Variants in SPPL2B observed in about 807,000 individuals in gnomAD.
The protein encoded by SPPL2B is signal peptide peptidase-like 2B.
SPPL2B carries 39 observed loss-of-function variants against 59.7 expected under a neutral mutation model. The observed-to-expected ratio is 0.65, with a 90% CI of 0.51 to 0.85. The LOEUF (loss-of-function observed/expected upper bound fraction) is 0.85. Ranked by LOEUF, SPPL2B falls within the 40% of genes least tolerant of loss-of-function variation. The pLI is 0.00. For missense variants in SPPL2B, 865 were observed against 849.0 expected, an observed-to-expected ratio of 1.02 and a Z score of -0.23; for synonymous variants, 419 against 370.8, an observed-to-expected ratio of 1.13 and a Z score of -1.49.
chr19:2,337,644 C>T lies in SPPL2B; in HGVS notation c.369+19C>T. ...GAGGCTGGTACGGCCCTGTGCGTCC[C>T]CCGCTGGGCCAGCTCTCAGGGGCAG... On this transcript the variant is annotated intron_variant, in intron 3 of 14. Coordinates refer to ENST00000613503, the MANE Select transcript of SPPL2B (RefSeq NM_152988.3). 6.5e-7 allele frequency: 1 copy of T among 1,527,614 alleles called. No individual in the cohort carries two copies. The highest frequency in any genetic ancestry group is 8.8e-7 in the Non-Finnish European group (1 of 1,137,240). 94.6% of individuals were successfully genotyped at this position (1,527,614 alleles called of 1,614,324 possible).
At chr19:2,335,786 G>A (rs1968565406) in intron 2 of SPPL2B, among the ~76,000 whole-genome samples, 1 of 151,794 alleles carries the variant, frequency 6.6e-6, no homozygotes, top group East Asian at 1.9e-4. Flanking sequence ...ACTGTGTCCC[G>A]CCCCCTCCTG....
intron 13 of SPPL2B, among the ~76,000 whole-genome samples, chr19:2,349,893 C>CG (rs1969797000): frequency 2.1e-5 from 3 of 143,366 alleles, no homozygotes; most frequent in South Asian, 2.3e-4. Context: ...CACACTCGCG[C>CG]CCTCATTCGC....
In SPPL2B at chr19:2,344,436, G is replaced by T; in HGVS notation, c.1176+12G>T. On this transcript the variant is annotated intron_variant, in intron 11 of 14. Transcript: ENST00000613503. ...CCACCCGTGAGAAGGTGTGTCTTCT[G>T]ACTGCAGGGTCTCAGGTTGCCATGG... 1 of 1,570,176 alleles carries T rather than the reference G, an allele frequency of 6.4e-7. No homozygotes were observed. Among genetic ancestry groups the T allele is most frequent in the South Asian group, 1.2e-5 (1 of 85,712 alleles).
Position 2,350,329 on chromosome 19 carries a change from C to G in SPPL2B, c.1355-1105C>G, listed in dbSNP as rs887051874. 2.2e-3 allele frequency among the ~76,000 whole-genome samples: 324 copies of G among 145,538 alleles called. 8 individuals carry two copies. Among genetic ancestry groups the G allele is most frequent in the Admixed American group, 0.021 (310 of 14,432 alleles). On this transcript the variant is annotated intron_variant, in intron 13 of 14. Transcript: ENST00000613503. ...TTCGCTTGACTCCGTTCTCTCTCCACACACACACTCACGTGCTCTCATTCG... is the reference window on the plus strand; with the variant it reads ...TTCGCTTGACTCCGTTCTCTCTCCAGACACACACTCACGTGCTCTCATTCG...
rs1057025812 is a variant in SPPL2B, at chr19:2,339,055, G to A, written c.460-14G>A. On this transcript the variant is annotated splice_polypyrimidine_tract_variant and intron_variant, in intron 4 of 14. Coordinates refer to ENST00000613503, the MANE Select transcript of SPPL2B (RefSeq NM_152988.3). The stretch of plus-strand genomic sequence containing the variant: ...TGGCTCTGACGCCTGCCTCCGGTGT[G>A]TTCCTTGAGGCAGCGTTTCGGCCGC... 1 of 1,550,334 alleles carries A rather than the reference G, an allele frequency of 6.5e-7. No individual in the cohort carries two copies. The highest frequency in any genetic ancestry group is 8.7e-7 in the Non-Finnish European group (1 of 1,146,508).
rs752889115 is a variant in SPPL2B, at chr19:2,354,311, C to G, written c.*1102C>G. On this transcript the variant is annotated 3_prime_UTR_variant, in exon 15 of 15. Coordinates refer to ENST00000613503, the MANE Select transcript of SPPL2B (RefSeq NM_152988.3). ...CAGAGACGTCCGTGCGGGAACTGAC[C>G]GAGGCGTGGCCCCAGGCCCCGGCAT... 3 of 152,330 alleles carry G rather than the reference C, an allele frequency of 2.0e-5. No homozygotes were observed. The highest frequency in any genetic ancestry group is 7.2e-5 in the African/African-American group (3 of 41,448). 9.4% of individuals were successfully genotyped at this position (152,330 alleles called of 1,614,324 possible).
In SPPL2B at chr19:2,353,048, C is replaced by T. The variant is rs781367822; in HGVS notation, c.1618C>T (p.Pro540Ser). Reference protein sequence around the residue: ...PLSPQPPSEEPATSPWPAEQS... With the variant: ...PLSPQPPSEESATSPWPAEQS... Reference sequence around the variant, plus strand: ...CTCCCCGCAGCCGCCCAGCGAAGAACCAGCCACATCCCCCTGGCCTGCTGA... The same window carrying T: ...CTCCCCGCAGCCGCCCAGCGAAGAATCAGCCACATCCCCCTGGCCTGCTGA... Residue 540 changes from proline to serine, a missense_variant, in exon 15 of 15, where the codon CCA (proline) becomes TCA (serine). Physicochemically the swap from Pro to Ser is moderately conservative, Grantham distance 74. Coordinates refer to ENST00000613503, the MANE Select transcript of SPPL2B (RefSeq NM_152988.3). The T allele has an allele frequency of 2.7e-4, 443 of 1,612,070 alleles. No homozygotes were observed. Among genetic ancestry groups the T allele is most frequent in the Non-Finnish European group, 3.7e-4 (431 of 1,179,688 alleles).
At chr19:2,343,721 C>G (rs1969191039) in intron 9 of SPPL2B, among the ~76,000 whole-genome samples, 1 of 152,174 alleles carries the variant, frequency 6.6e-6, no homozygotes, top group Non-Finnish European at 1.5e-5. Context: ...GTGGCACAGG[C>G]CTCCGCCCTC....
intron 13 of SPPL2B, among the ~76,000 whole-genome samples, chr19:2,346,020 CTT>C (rs1212797130): frequency 2.0e-5 from 3 of 152,366 alleles, no homozygotes; most frequent in African/African-American, 7.2e-5. Flanking sequence ...CTGTTTTCCT[CTT>C]TTTGTCTTTT....
intron 5 of SPPL2B, 28 bp from the exon 6 acceptor site, chr19:2,339,796 G>C (rs577753094): frequency 6.3e-7 from 1 of 1,596,492 alleles, no homozygotes; most frequent in Admixed American, 1.7e-5. Flanking sequence ...CGGCCCCAGG[G>C]CCCCACGACC....
At chr19:2,349,844 C>A (rs1969790515) in intron 13 of SPPL2B, among the ~76,000 whole-genome samples, 1 of 146,606 alleles carries the variant, frequency 6.8e-6, no homozygotes, top group South Asian at 2.2e-4. Flanking sequence ...CACACACACT[C>A]ACGCTCTCAT....
At position 2,339,960 on chromosome 19, in the gene SPPL2B, C is replaced by G. The variant is rs200233967; in HGVS notation, c.736C>G (p.Leu246Val). ...GGTGCTGCTCTACTATTTCTACGAT[C>G]TCCTCGGTGCGCGGCCCCGGGCGGG... Reference protein sequence around the residue: ...MLVLLYYFYDLLVYVVIGIFC... With the variant: ...MLVLLYYFYDVLVYVVIGIFC... The change falls in exon 6 of 15, where the codon CTC (leucine) becomes GTC (valine). Residue 246 changes from leucine to valine, a missense_variant. Leu to Val is a conservative substitution (Grantham distance 32). Coordinates refer to ENST00000613503, the MANE Select transcript of SPPL2B (RefSeq NM_152988.3). 639 of 1,553,338 alleles carry G rather than the reference C, an allele frequency of 4.1e-4. No individual in the cohort carries two copies. The highest frequency in any genetic ancestry group is 5.1e-4 in the Non-Finnish European group (590 of 1,147,854).
At chr19:2,351,774 G>A in intron 14 of SPPL2B, 180 bp downstream of exon 14, 2 of 827,542 alleles carry the variant, frequency 2.4e-6, no homozygotes, top group East Asian at 2.9e-5. Flanking sequence ...CGTGCGTGCA[G>A]CTCCTGTGCC....
chr19:2,348,095 G>C (rs74176388), intron 13 of SPPL2B, among the ~76,000 whole-genome samples: 5 of 25,884 alleles, frequency 1.9e-4, no homozygotes, highest in African/African-American at 3.4e-4. Context: ...CTCATGCGCT[G>C]TCATTCGCTT....
Position 2,339,175 on chromosome 19 carries a change from G to A in SPPL2B, c.566G>A (p.Gly189Asp). The change falls in exon 5 of 15, where the codon GGC becomes GAC. Residue 189 changes from glycine (G) to aspartate (D), a missense_variant. Physicochemically the swap from Gly to Asp is moderately conservative, Grantham distance 94. Transcript: ENST00000613503. ...ATGGCTGTGGGCACCGTCGCCATCG[G>A]CGGCTACTGGGCCGGGAGTCGGGAC... is the stretch of plus-strand genomic sequence containing the variant. ...FIMAVGTVAI[G>D]GYWAGSRDVK... is the part of the protein sequence containing the mutation. 1 of 1,604,986 alleles carries A rather than the reference G, an allele frequency of 6.2e-7. No homozygotes were observed. The highest frequency in any genetic ancestry group is 8.5e-7 in the Non-Finnish European group (1 of 1,176,050).
At position 2,338,840 on chromosome 19, in the gene SPPL2B, C is replaced by T. The variant is rs201843729; in HGVS notation, c.458C>T (p.Thr153Met). 9 of 1,612,980 alleles carry T rather than the reference C, an allele frequency of 5.6e-6. No homozygotes were observed. The highest frequency in any genetic ancestry group is 2.2e-5 in the South Asian group (2 of 91,062). Residue 153 changes from threonine (T) to methionine (M), a missense_variant and splice_region_variant, in exon 4 of 15, where the codon ACG becomes ATG. By Grantham distance (81) the Thr-to-Met change is moderately conservative (BLOSUM62 -1). Coordinates refer to ENST00000613503, the MANE Select transcript of SPPL2B (RefSeq NM_152988.3). ...LSYKDMLDIFTRFGRTVRAAL... is the reference protein window; with the variant it reads ...LSYKDMLDIFMRFGRTVRAAL... ...TACAAAGACATGCTGGACATCTTCA[C>T]GGTAGGTCTGCGCCGGCTCAGACCC...
chr19:2,347,210 C>CT (rs1969435869), intron 13 of SPPL2B, among the ~76,000 whole-genome samples: 1 of 91,314 alleles, frequency 1.1e-5, no homozygotes, highest in Non-Finnish European at 2.1e-5. Flanking sequence ...CCGTTCTCTC[C>CT]CTCCACACAC....
rs146617207 is a variant in SPPL2B at position 2,328,731 on chromosome 19, G to A, written c.22G>A (p.Ala8Thr). MAAAVAA[A>T]LARLLAAFLL... is the part of the protein sequence containing the mutation. ...CGACATGGCGGCAGCGGTGGCGGCT[G>A]CGCTGGCGCGGCTTTTGGCGGCCTT... The change falls in exon 1 of 15, where the codon GCG becomes ACG. Residue 8 changes from alanine (A) to threonine (T), a missense_variant. Transcript: ENST00000613503. 4.9e-5 allele frequency: 71 copies of A among 1,459,414 alleles called. No homozygotes were observed. In the East Asian group the frequency reaches 1.6e-3, roughly 32 times the overall value. The allele number at this position is 1,459,414 out of a possible 1,614,324, so 90.4% of individuals were successfully genotyped here. A position where few individuals can be genotyped will look rare whatever the true frequency, so the allele number is the denominator to read the frequency against.
intron 13 of SPPL2B, among the ~76,000 whole-genome samples, chr19:2,350,339 C>G (rs758097178): frequency 2.7e-5 from 4 of 149,996 alleles, no homozygotes; most frequent in Non-Finnish European, 5.9e-5. Context: ...CACACACACT[C>G]ACGTGCTCTC....
Sources: gnomAD v4.1 joint callset for allele counts (sites outside exome capture counted in the v4.1 genomes callset) on GRCh38, gnomAD v4.1.1 for gene constraint, MANE v1.5 for transcripts, NCBI Gene and HGNC (gene_info 2026-07-23, HGNC 2026-07-21) for gene names.